Variants in FER observed in about 807,000 individuals in gnomAD.
The protein encoded by FER is tyrosine-protein kinase Fer.
A neutral mutation model predicts 111.0 loss-of-function variants in FER; 63 were observed. The observed-to-expected ratio is 0.57, with a 90% CI of 0.46 to 0.70. FER has a LOEUF of 0.70. Ranked by LOEUF, FER falls within the 30% of genes least tolerant of loss-of-function variation. The pLI, the probability that FER is intolerant of heterozygous loss-of-function variation, is 0.00. For missense variants in FER, 914 were observed against 954.0 expected, an observed-to-expected ratio of 0.96 and a Z score of 0.55; for synonymous variants, 327 against 313.9, an observed-to-expected ratio of 1.04 and a Z score of -0.44.
At chr5:109,145,109 A>G (rs1419629638) in intron 17 of FER, among the ~76,000 whole-genome samples, 1 of 151,910 alleles carries the variant, frequency 6.6e-6, no homozygotes, top group Admixed American at 6.6e-5. Flanking sequence ...TTGTGTTAAT[A>G]ATGCATGGCA....
intron 13 of FER, among the ~76,000 whole-genome samples, chr5:108,980,636 G>C (rs1182170254): frequency 6.6e-6 from 1 of 152,094 alleles, no homozygotes; most frequent in Admixed American, 6.6e-5. Flanking sequence ...CCCTTTGCAA[G>C]ATCAAAGGAA....
chr5:108,820,818 G>A (rs1245171046), intron 3 of FER, among the ~76,000 whole-genome samples: 1 of 152,192 alleles, frequency 6.6e-6, no homozygotes, highest in African/African-American at 2.4e-5. Flanking sequence ...CTGAGAATCT[G>A]AAATACTTGA....
intron 13 of FER, among the ~76,000 whole-genome samples, chr5:109,012,805 A>T (rs1305635792): frequency 6.6e-6 from 1 of 152,100 alleles, no homozygotes; most frequent in East Asian, 1.9e-4. Context: ...GAGAAAAAAA[A>T]ATCAATGACT....
intron 5 of FER, among the ~76,000 whole-genome samples, chr5:108,853,107 G>C (rs1388546170): frequency 1.3e-5 from 2 of 152,090 alleles, no homozygotes; most frequent in Non-Finnish European, 2.9e-5. Context: ...TTACTAAAAA[G>C]ATGATATAAA....
At chr5:109,000,193 A>G (rs1388233341) in intron 13 of FER, among the ~76,000 whole-genome samples, 2 of 151,862 alleles carry the variant, frequency 1.3e-5, no homozygotes, top group African/African-American at 2.4e-5. Context: ...TAGGAAAAAG[A>G]CACAAATGGA....
intron 3 of FER, among the ~76,000 whole-genome samples, chr5:108,816,659 G>T (rs1758313399): frequency 6.6e-6 from 1 of 152,052 alleles, no homozygotes; most frequent in African/African-American, 2.4e-5. Flanking sequence ...CAATCTCATG[G>T]TTATTAGGCA....
intron 16 of FER, among the ~76,000 whole-genome samples, chr5:109,080,668 C>G (rs1431516267): frequency 6.6e-6 from 1 of 151,974 alleles, no homozygotes; most frequent in Non-Finnish European, 1.5e-5. Flanking sequence ...TGGATATGGA[C>G]TTGGGCCAAA....
At chr5:109,061,108 T>A (rs1196080530) in intron 16 of FER, among the ~76,000 whole-genome samples, 1 of 152,168 alleles carries the variant, frequency 6.6e-6, no homozygotes, top group Non-Finnish European at 1.5e-5. Flanking sequence ...TGTTGTAATG[T>A]TTAGCCTTTA....
chr5:109,033,544 C>G (rs1769938206), intron 13 of FER, among the ~76,000 whole-genome samples: 2 of 152,188 alleles, frequency 1.3e-5, no homozygotes, highest in African/African-American at 4.8e-5. Context: ...TTGACTTGCC[C>G]TCTGAAACCA....
At chr5:108,828,674 C>G (rs1759725278) in intron 3 of FER, among the ~76,000 whole-genome samples, 1 of 152,118 alleles carries the variant, frequency 6.6e-6, no homozygotes, top group Non-Finnish European at 1.5e-5. Context: ...CTGTCTATAA[C>G]TTTCAGCATC....
Position 108,960,740 on chromosome 5 carries a change from A to G in FER, c.1656+1393A>G, listed in dbSNP as rs569292661. Among the ~76,000 whole-genome samples the G allele has an allele frequency of 2.0e-3, 309 of 152,252 alleles. 1 individual carries two copies. Among genetic ancestry groups the G allele is most frequent in the African/African-American group, 7.1e-3 (293 of 41,556 alleles). ...TATTTTCCAAAACTGAAATTGTTCA[A>G]ATTTCCACCTCAAACTGTGCTTATC... On this transcript the variant is annotated intron_variant, in intron 13 of 19. Coordinates refer to ENST00000281092, the MANE Select transcript of FER (RefSeq NM_005246.4).
At chr5:109,060,770 G>A (rs529898681) in intron 16 of FER, among the ~76,000 whole-genome samples, 1,608 of 123,380 alleles carry the variant, frequency 0.013, 30 homozygotes, top group African/African-American at 0.042. Flanking sequence ...GTGTGTGTGT[G>A]TGTATATATA....
intron 13 of FER, among the ~76,000 whole-genome samples, chr5:108,996,274 C>G (rs1763967444): frequency 6.6e-6 from 1 of 152,136 alleles, no homozygotes; most frequent in African/African-American, 2.4e-5. Flanking sequence ...AATTTGATCC[C>G]ATTTGTCAAC....
intron 1 of FER, among the ~76,000 whole-genome samples, chr5:108,764,333 A>G (rs922903331): frequency 6.6e-6 from 1 of 152,128 alleles, no homozygotes; most frequent in Non-Finnish European, 1.5e-5. Context: ...TACCTACCAC[A>G]TATCATGAAC....
At chr5:108,941,945 T>A (rs1670907267) in intron 10 of FER, among the ~76,000 whole-genome samples, 1 of 152,150 alleles carries the variant, frequency 6.6e-6, no homozygotes, top group African/African-American at 2.4e-5. Context: ...GATCTGTCAA[T>A]GAAGGTTCTC....
intron 17 of FER, among the ~76,000 whole-genome samples, 188 bp from the exon 18 acceptor site, chr5:109,180,559 A>C (rs1758184665): frequency 6.6e-6 from 1 of 152,204 alleles, no homozygotes; most frequent in African/African-American, 2.4e-5. Context: ...GGCCTACTCC[A>C]TATGCATATG....
intron 1 of FER, among the ~76,000 whole-genome samples, chr5:108,754,986 A>G (rs1223098650): frequency 6.6e-6 from 1 of 152,208 alleles, no homozygotes. Context: ...TGCAAGTGGT[A>G]TTTCCTGAAA....
At chr5:109,107,448 C>T (rs768734912) in intron 17 of FER, among the ~76,000 whole-genome samples, 4 of 151,914 alleles carry the variant, frequency 2.6e-5, no homozygotes, top group African/African-American at 4.8e-5. Flanking sequence ...AGCCTAGTAC[C>T]CAGTAGTTTC....
intron 13 of FER, among the ~76,000 whole-genome samples, chr5:108,967,351 G>T (rs1422455081): frequency 6.6e-6 from 1 of 152,186 alleles, no homozygotes; most frequent in Non-Finnish European, 1.5e-5. Flanking sequence ...TCCCAGTGTG[G>T]CTAAGTCTGG....
Sources: gnomAD v4.1 joint callset for allele counts (sites outside exome capture counted in the v4.1 genomes callset) on GRCh38, gnomAD v4.1.1 for gene constraint, MANE v1.5 for transcripts, NCBI Gene and HGNC (gene_info 2026-07-23, HGNC 2026-07-21) for gene names.